Variants in PCDH11X observed in about 807,000 individuals in gnomAD.
The protein encoded by PCDH11X is protocadherin-11 X-linked.
PCDH11X carries 18 observed loss-of-function variants against 53.3 expected under a neutral mutation model. That is an observed-to-expected ratio of 0.34 (90% CI 0.23 to 0.50). The LOEUF is 0.50. Among genes scored for constraint, PCDH11X ranks in the 20% least tolerant of loss-of-function variants. The probability of loss-of-function intolerance (pLI) is 0.98; values close to 1 mark genes in which losing one functional copy is unlikely to be tolerated. For synonymous variants in PCDH11X, 279 were observed against 393.3 expected (o/e 0.71, Z 3.44); for missense variants, 570 against 1,032.4 (o/e 0.55, Z 6.14).
intron 6 of PCDH11X, among the ~76,000 whole-genome samples, chrX:91,982,393 T>C (rs1016558946): frequency 9.1e-6 from 1 of 110,309 alleles, no homozygotes; most frequent in African/African-American, 3.3e-5. Context: ...CAGCCATTTC[T>C]AGAGAAAAAA....
At chrX:92,285,389 G>A (rs1264959793) in intron 8 of PCDH11X, among the ~76,000 whole-genome samples, 1 of 108,673 alleles carries the variant, frequency 9.2e-6, no homozygotes, top group Non-Finnish European at 1.9e-5. Context: ...GAGTAGCTGG[G>A]ATTAGAGGCC....
At chrX:91,941,956 A>G (rs899058335) in intron 6 of PCDH11X, among the ~76,000 whole-genome samples, 9 of 110,913 alleles carry the variant, frequency 8.1e-5, no homozygotes, top group Non-Finnish European at 1.3e-4. Flanking sequence ...TAAATAAATT[A>G]TTGGTACCAA....
intron 9 of PCDH11X, among the ~76,000 whole-genome samples, chrX:92,416,414 A>G (rs2071811892): frequency 9.0e-6 from 1 of 111,083 alleles, no homozygotes; most frequent in South Asian, 3.8e-4. Flanking sequence ...GCCTGTATAA[A>G]AACATCTCAT....
intron 6 of PCDH11X, among the ~76,000 whole-genome samples, chrX:91,980,979 A>AATAT (rs3083658): frequency 6.3e-5 from 6 of 95,933 alleles, no homozygotes; most frequent in African/African-American, 2.3e-4. Flanking sequence ...ATATACACTG[A>AATAT]ATATATATAT....
intron 7 of PCDH11X, among the ~76,000 whole-genome samples, chrX:92,212,700 G>T (rs934013785): frequency 1.8e-5 from 2 of 111,992 alleles, no homozygotes; most frequent in African/African-American, 6.5e-5. Context: ...ATTCACTGGG[G>T]TCACAAAATA....
At chrX:91,969,648 A>T (rs1207472421) in intron 6 of PCDH11X, among the ~76,000 whole-genome samples, 1 of 108,465 alleles carries the variant, frequency 9.2e-6, no homozygotes, top group African/African-American at 3.4e-5. Flanking sequence ...AAAATAAAAA[A>T]TTACCAGGGC....
rs185512736 is a variant in PCDH11X at position 92,619,217 on chromosome X, A to G, written c.*277A>G. On this transcript the variant is annotated 3_prime_UTR_variant, in exon 11 of 11. Coordinates refer to ENST00000682573, the MANE Select transcript of PCDH11X (RefSeq NM_032968.5). ...TGACAGAGCGCACTATTTCTGATGT[A>G]CAGTATTTTTTGTTGTTTTTATCAT... The G allele has an allele frequency of 6.4e-4, 247 of 385,831 alleles. No individual in the cohort carries two copies. The highest frequency in any genetic ancestry group is 5.6e-3 in the African/African-American group (220 of 39,087). 31.8% of individuals were successfully genotyped at this position (385,831 alleles called of 1,213,427 possible).
chrX:92,087,284 G>A (rs1011760679), intron 6 of PCDH11X, among the ~76,000 whole-genome samples: 95 of 106,779 alleles, frequency 8.9e-4, no homozygotes, highest in African/African-American at 3.2e-3. Flanking sequence ...TAGTAGTGGC[G>A]GGGTTTCTGC....
At chrX:91,932,720 AAG>A (rs1008976656) in intron 6 of PCDH11X, among the ~76,000 whole-genome samples, 10 of 106,418 alleles carry the variant, frequency 9.4e-5, no homozygotes, top group African/African-American at 3.4e-4. Flanking sequence ...GCGCCTGAGA[AAG>A]AGATAGAGGG....
chrX:92,186,144 G>A (rs964980602), intron 6 of PCDH11X, among the ~76,000 whole-genome samples: 5 of 111,324 alleles, frequency 4.5e-5, no homozygotes, highest in Non-Finnish European at 9.4e-5. Context: ...AGAAAATATG[G>A]TATATATACA....
intron 8 of PCDH11X, among the ~76,000 whole-genome samples, chrX:92,321,231 C>G (rs1461144057): frequency 2.2e-5 from 2 of 91,841 alleles, no homozygotes; most frequent in Admixed American, 2.8e-4. Flanking sequence ...CTCGCTCTGT[C>G]GCCCAGGCTG....
rs1380102440 is a variant in PCDH11X, at chrX:92,018,822, A to G, written c.3033+139549A>G. Among the ~76,000 whole-genome samples, 4 of 112,692 alleles carry G rather than the reference A, an allele frequency of 3.5e-5. No individual in the cohort carries two copies. In the East Asian group the frequency reaches 1.1e-3, roughly 32 times the overall value. On this transcript the variant is annotated intron_variant, in intron 6 of 10. Coordinates refer to ENST00000682573, the MANE Select transcript of PCDH11X (RefSeq NM_032968.5). ...GTCTCATTGCCTGTGTTCTAGGCAC[A>G]CTACACCTTCGTTTATAATCTTACA...
chrX:92,586,498 T>A (rs778112403), intron 10 of PCDH11X, among the ~76,000 whole-genome samples: 170 of 104,329 alleles, frequency 1.6e-3, no homozygotes, highest in African/African-American at 5.7e-3. Context: ...TTTATTAACA[T>A]AAAGTATAGC....
At chrX:92,250,144 C>A (rs917962447) in intron 7 of PCDH11X, among the ~76,000 whole-genome samples, 3 of 111,411 alleles carry the variant, frequency 2.7e-5, no homozygotes, top group African/African-American at 9.8e-5. Context: ...ACTTTTTTGA[C>A]AAATGTCACT....
chrX:91,835,977 A>G lies in PCDH11X; in HGVS notation c.473A>G (p.Tyr158Cys). The G allele has an allele frequency of 2.5e-6, 3 of 1,211,222 alleles. No individual in the cohort carries two copies. Among genetic ancestry groups the G allele is most frequent in the Non-Finnish European group, 2.2e-6 (2 of 895,383 alleles). ...IPENSAINSK[Y>C]TLPAAVDPDV... ...GAGAACTCGGCTATAAACTCTAAATATACTCTCCCAGCGGCTGTTGATCCT... is the reference window on the plus strand; with the variant it reads ...GAGAACTCGGCTATAAACTCTAAATGTACTCTCCCAGCGGCTGTTGATCCT... Residue 158 changes from tyrosine (Y) to cysteine (C), a missense_variant, in exon 5 of 11, where the codon TAT becomes TGT. By Grantham distance (194) the Tyr-to-Cys change is radical. Transcript: ENST00000682573.
intron 10 of PCDH11X, among the ~76,000 whole-genome samples, chrX:92,519,341 T>C (rs1447067149): frequency 2.8e-5 from 3 of 108,241 alleles, no homozygotes; most frequent in Non-Finnish European, 3.9e-5. Flanking sequence ...CTTTATTATC[T>C]CTATCAAAAC....
In PCDH11X at chrX:91,859,197, G is replaced by A. The variant is rs372741887; in HGVS notation, c.541-17584G>A. The stretch of plus-strand genomic sequence containing the variant: ...GAGATAGTATCTCATTGTGATTTTG[G>A]TTTACATTTCTCTAGTGATCAGTGA... On this transcript the variant is annotated intron_variant, in intron 5 of 10. Coordinates refer to ENST00000682573, the MANE Select transcript of PCDH11X (RefSeq NM_032968.5). Among the ~76,000 whole-genome samples the A allele has an allele frequency of 9.9e-5, 11 of 111,619 alleles. No individual in the cohort carries two copies. In the South Asian group the frequency reaches 2.3e-3, roughly 23 times the overall value.
intron 8 of PCDH11X, among the ~76,000 whole-genome samples, chrX:92,347,910 T>C (rs2069941832): frequency 8.9e-6 from 1 of 111,881 alleles, no homozygotes; most frequent in East Asian, 2.8e-4. Flanking sequence ...AAGACAAATA[T>C]CATTTTTGTT....
intron 9 of PCDH11X, among the ~76,000 whole-genome samples, chrX:92,457,909 A>G (rs927087501): frequency 3.1e-4 from 33 of 107,816 alleles, no homozygotes; most frequent in Non-Finnish European, 5.6e-4. Flanking sequence ...TGCCTAAAAT[A>G]AAGTTGAAAT....
Sources: gnomAD v4.1 joint callset for allele counts (sites outside exome capture counted in the v4.1 genomes callset) on GRCh38, gnomAD v4.1.1 for gene constraint, MANE v1.5 for transcripts, NCBI Gene and HGNC (gene_info 2026-07-23, HGNC 2026-07-21) for gene names.